Variants in CRACDL observed in about 807,000 individuals in gnomAD.
The protein encoded by CRACDL is CRACD like.
CRACDL carries 26 observed loss-of-function variants against 70.6 expected under a neutral mutation model. The ratio of observed to expected loss-of-function variants is 0.37; its 90% confidence interval spans 0.27 to 0.51. The LOEUF (loss-of-function observed/expected upper bound fraction) is 0.51. Among genes scored for constraint, CRACDL ranks in the 20% least tolerant of loss-of-function variants. The pLI is 0.94. For synonymous variants in CRACDL, 618 were observed against 615.2 expected (o/e 1.00, Z -0.07); for missense variants, 1,283 against 1,376.9 (o/e 0.93, Z 1.08).
intron 7 of CRACDL, among the ~76,000 whole-genome samples, chr2:98,807,160 C>T (rs764950162): frequency 5.9e-5 from 9 of 152,162 alleles, no homozygotes; most frequent in African/African-American, 9.7e-5. Context: ...GTGACTTGTC[C>T]AGGGTCCTTG....
At chr2:98,870,793 A>G (rs1051392925) in intron 1 of CRACDL, among the ~76,000 whole-genome samples, 7 of 152,184 alleles carry the variant, frequency 4.6e-5, no homozygotes, top group African/African-American at 1.7e-4. Flanking sequence ...TGGGCATGTG[A>G]CCTGCCCTCT....
intron 1 of CRACDL, among the ~76,000 whole-genome samples, chr2:98,890,396 C>A (rs1707930215): frequency 6.6e-6 from 1 of 152,108 alleles, no homozygotes; most frequent in South Asian, 2.1e-4. Context: ...AGCTAGATAA[C>A]CTAAATGGTC....
chr2:98,834,096 G>A (rs895031983), intron 3 of CRACDL, among the ~76,000 whole-genome samples: 1 of 152,210 alleles, frequency 6.6e-6, no homozygotes, highest in Non-Finnish European at 1.5e-5. Context: ...GCCAAGGGCA[G>A]CTCTTAACCC....
chr2:98,883,585 C>T (rs1235921016), intron 1 of CRACDL, among the ~76,000 whole-genome samples: 1 of 152,144 alleles, frequency 6.6e-6, no homozygotes, highest in Non-Finnish European at 1.5e-5. Flanking sequence ...CATATTGCTC[C>T]CACTGGTTCC....
At chr2:98,824,420 G>T (rs1193204176) in intron 6 of CRACDL, among the ~76,000 whole-genome samples, 1 of 152,040 alleles carries the variant, frequency 6.6e-6, no homozygotes, top group African/African-American at 2.4e-5. Context: ...CAAACATACA[G>T]TGCCTTGTGA....
chr2:98,911,953 A>ACACGCTT (rs1168596804), intron 1 of CRACDL, among the ~76,000 whole-genome samples: 1 of 152,212 alleles, frequency 6.6e-6, no homozygotes, highest in Non-Finnish European at 1.5e-5. Flanking sequence ...AACAATGCTG[A>ACACGCTT]CACGCTTGTG....
At chr2:98,898,423 A>G (rs1392101369) in intron 1 of CRACDL, among the ~76,000 whole-genome samples, 1 of 152,274 alleles carries the variant, frequency 6.6e-6, no homozygotes, top group African/African-American at 2.4e-5. Context: ...GAAATGTCGC[A>G]GAAGTTCAAA....
At chr2:98,915,649 C>T (rs969506374) in intron 1 of CRACDL, among the ~76,000 whole-genome samples, 2 of 152,022 alleles carry the variant, frequency 1.3e-5, no homozygotes, top group African/African-American at 4.8e-5. Context: ...GACTGCTCTT[C>T]AGAGAGGGTG....
At chr2:98,830,324 C>G (rs1322525180) in intron 5 of CRACDL, among the ~76,000 whole-genome samples, 1 of 152,168 alleles carries the variant, frequency 6.6e-6, no homozygotes, top group South Asian at 2.1e-4. Flanking sequence ...ACTAAAGACT[C>G]TTTTTTCCAC....
intron 6 of CRACDL, 132 bp downstream of exon 6, chr2:98,826,843 G>T: frequency 1.6e-6 from 1 of 607,590 alleles, no homozygotes; most frequent in Non-Finnish European, 2.9e-6. Flanking sequence ...CTGCAGCATG[G>T]CTCCATCAAC....
chr2:98,852,867 A>G (rs1706534769), intron 1 of CRACDL, among the ~76,000 whole-genome samples: 1 of 150,022 alleles, frequency 6.7e-6, no homozygotes, highest in Non-Finnish European at 1.5e-5. Flanking sequence ...TCTAACATAT[A>G]TTTAATTGAG....
chr2:98,838,201 T>C lies in CRACDL; in HGVS notation c.157A>G (p.Thr53Ala), dbSNP rs759415222. The change falls in exon 3 of 10, where the codon ACC (threonine) becomes GCC (alanine). Residue 53 changes from threonine (T) to alanine (A), a missense_variant. Transcript: ENST00000397899. ...TTCCTCGTCTGACTTTGTTTCCAGGTGCTACTTCCTGTGGACGACGGCGAT... is the reference window on the plus strand; with the variant it reads ...TTCCTCGTCTGACTTTGTTTCCAGGCGCTACTTCCTGTGGACGACGGCGAT... Reference protein sequence around the residue: ...KESPSSTGSSTWKQSQTRNEV... With the variant: ...KESPSSTGSSAWKQSQTRNEV... 201 of 1,613,814 alleles carry C rather than the reference T, an allele frequency of 1.2e-4. No individual in the cohort carries two copies. In the Admixed American group the frequency reaches 3.3e-3, roughly 26 times the overall value.
At chr2:98,928,578 G>T (rs186923302) in intron 1 of CRACDL, among the ~76,000 whole-genome samples, 1 of 151,654 alleles carries the variant, frequency 6.6e-6, no homozygotes, top group East Asian at 2.0e-4. Flanking sequence ...CCCTACCGAG[G>T]GTCCAGCTAC....
chr2:98,838,153 C>A lies in CRACDL; in HGVS notation c.205G>T (p.Gly69Trp). ...TCCTCGGAGTCGTAGCCCACTGGCC[C>A]GGATTCGATGGCAATGACCTCATTC... Reference protein sequence around the residue: ...TRNEVIAIESGPVGYDSEDEL... With the variant: ...TRNEVIAIESWPVGYDSEDEL... The change falls in exon 3 of 10, where the codon GGG (glycine) becomes TGG (tryptophan). Residue 69 changes from glycine to tryptophan, a missense_variant. By Grantham distance (184) the Gly-to-Trp change is radical. Transcript: ENST00000397899. 1 of 1,613,552 alleles carries A rather than the reference C, an allele frequency of 6.2e-7. No individual in the cohort carries two copies. The highest frequency in any genetic ancestry group is 8.5e-7 in the Non-Finnish European group (1 of 1,179,780).
chr2:98,839,422 A>G (rs1705925807), intron 2 of CRACDL, among the ~76,000 whole-genome samples: 1 of 152,244 alleles, frequency 6.6e-6, no homozygotes, highest in African/African-American at 2.4e-5. Flanking sequence ...TATGATTTTG[A>G]AAGATTCTTA....
intron 8 of CRACDL, 90 bp from the exon 9 acceptor site, chr2:98,796,354 A>G (rs2104391313): frequency 7.4e-7 from 1 of 1,349,174 alleles, no homozygotes; most frequent in Non-Finnish European, 1.0e-6. Flanking sequence ...AAAGCTGCTC[A>G]TCCAAGATGC....
Position 98,823,583 on chromosome 2 carries a change from A to G in CRACDL, c.736-46T>C. The G allele has an allele frequency of 6.5e-7, 1 of 1,536,574 alleles. No individual in the cohort carries two copies. Among genetic ancestry groups the G allele is most frequent in the Non-Finnish European group, 8.7e-7 (1 of 1,147,212 alleles). On this transcript the variant is annotated intron_variant, in intron 6 of 9. Transcript: ENST00000397899. The surrounding 1 kb of genome is among the most constrained non-coding windows in gnomAD (Gnocchi z 4.0). ...AAGCATCGTCGCTATAGCCAATTCCAGGAAGCCTGTCACCTCCCCACTTTT... is the reference window on the plus strand; with the variant it reads ...AAGCATCGTCGCTATAGCCAATTCCGGGAAGCCTGTCACCTCCCCACTTTT...
chr2:98,821,780 G>A, intron 7 of CRACDL, 77 bp downstream of exon 7: 3 of 1,524,710 alleles, frequency 2.0e-6, no homozygotes, highest in East Asian at 2.4e-5. Flanking sequence ...AGCATTTGGC[G>A]AGTGTCCAGC....
At chr2:98,879,534 G>A (rs1707579435) in intron 1 of CRACDL, among the ~76,000 whole-genome samples, 1 of 152,088 alleles carries the variant, frequency 6.6e-6, no homozygotes, top group Non-Finnish European at 1.5e-5. Flanking sequence ...AATCATTCTA[G>A]CCTCTGTATT....
Sources: allele counts gnomAD v4.1 joint callset (sites outside exome capture counted in the v4.1 genomes callset), GRCh38; gene constraint gnomAD v4.1.1; non-coding constraint Gnocchi (gnomAD v3.1); transcripts MANE v1.5; gene names NCBI Gene and HGNC (gene_info 2026-07-23, HGNC 2026-07-21).